PCP4: variants seen among roughly 807,000 people sequenced by gnomAD.
PCP4 encodes the protein calmodulin regulator protein PCP4.
Under a neutral mutation model 10.0 loss-of-function variants are expected in PCP4, and 8 were observed. The observed-to-expected ratio is 0.80, with a 90% CI of 0.47 to 1.45. The LOEUF (loss-of-function observed/expected upper bound fraction) is 1.45, where lower values mean the gene tolerates loss of function less well. Ranked by LOEUF, PCP4 falls within the 40% of genes most tolerant of loss-of-function variation. PCP4 has a pLI of 0.00. For missense variants in PCP4, 54 were observed against 74.4 expected (o/e 0.73, Z 1.01); for synonymous variants, 21 against 23.0 (o/e 0.91, Z 0.24).
chr21:39,898,599 A>T (rs933669957), intron 2 of PCP4, 72 bp downstream of exon 2: 15 of 1,151,992 alleles, frequency 1.3e-5, no homozygotes, highest in Non-Finnish European at 1.8e-5. Flanking sequence ...GCAGGTGCGG[A>T]TCATACATCC....
intron 2 of PCP4, chr21:39,926,303 C>G (rs1046016295): frequency 5.2e-6 from 1 of 192,886 alleles, no homozygotes; most frequent in Non-Finnish European, 1.1e-5. Flanking sequence ...TTTCTGTGAA[C>G]TGTCCTCACT....
chr21:39,868,227 C>T (rs754057990), intron 1 of PCP4, among the ~76,000 whole-genome samples: 9 of 152,182 alleles, frequency 5.9e-5, no homozygotes, highest in Middle Eastern at 3.2e-3. Flanking sequence ...AGCAGATTAG[C>T]GGTGGTACAA....
rs529830690 is a variant in PCP4 at position 39,889,875 on chromosome 21, G to A, written c.10-8601G>A. ...CTTCAATCTCTGGAATGAAAAATAC[G>A]TGTCTTTTAATGGGAACTTGTATTT... On this transcript the variant is annotated intron_variant, in intron 1 of 2. Transcript: ENST00000328619. Among the ~76,000 whole-genome samples, 5 of 152,258 alleles carry A rather than the reference G, an allele frequency of 3.3e-5. No homozygotes were observed. In the South Asian group the frequency reaches 1.0e-3, roughly 32 times the overall value.
chr21:39,914,200 G>A (rs1327051233), intron 2 of PCP4, among the ~76,000 whole-genome samples: 1 of 152,102 alleles, frequency 6.6e-6, no homozygotes, highest in Non-Finnish European at 1.5e-5. Flanking sequence ...TGAAGCTCTT[G>A]GGGGCTCTTA....
intron 1 of PCP4, among the ~76,000 whole-genome samples, chr21:39,880,122 C>CTG (rs2087366089): frequency 6.7e-6 from 1 of 149,128 alleles, no homozygotes; most frequent in African/African-American, 2.5e-5. Context: ...ATATCTATAT[C>CTG]TATATCTGTA....
chr21:39,882,320 C>T (rs949845242), intron 1 of PCP4, among the ~76,000 whole-genome samples: 4 of 152,294 alleles, frequency 2.6e-5, no homozygotes, highest in East Asian at 1.9e-4. Flanking sequence ...AGAGATCATT[C>T]AGGATGGATG....
At chr21:39,875,123 T>C (rs925446433) in intron 1 of PCP4, among the ~76,000 whole-genome samples, 4 of 152,242 alleles carry the variant, frequency 2.6e-5, no homozygotes, top group South Asian at 2.1e-4. Flanking sequence ...GGAACTACTG[T>C]GTGCAATTTC....
chr21:39,915,167 A>C (rs991685205), intron 2 of PCP4, among the ~76,000 whole-genome samples: 4 of 152,120 alleles, frequency 2.6e-5, no homozygotes, highest in Non-Finnish European at 5.9e-5. Context: ...AAATAACATG[A>C]AGCAGGGAAG....
chr21:39,870,746 G>A (rs903867892), intron 1 of PCP4, among the ~76,000 whole-genome samples: 18 of 152,204 alleles, frequency 1.2e-4, no homozygotes, highest in African/African-American at 4.1e-4. Context: ...GGTTGGAGAC[G>A]TTCCAGGTCA....
intron 1 of PCP4, among the ~76,000 whole-genome samples, chr21:39,884,015 C>T (rs1451335405): frequency 6.6e-6 from 1 of 152,110 alleles, no homozygotes; most frequent in African/African-American, 2.4e-5. Flanking sequence ...GTTAAGTGAC[C>T]TGAACTGGGC....
At chr21:39,879,613 T>C (rs2087362619) in intron 1 of PCP4, among the ~76,000 whole-genome samples, 1 of 152,204 alleles carries the variant, frequency 6.6e-6, no homozygotes, top group Admixed American at 6.5e-5. Flanking sequence ...AGGCCCCTTC[T>C]CTGGCTCCTT....
chr21:39,924,867 G>A (rs1301465882), intron 2 of PCP4, among the ~76,000 whole-genome samples: 1 of 152,186 alleles, frequency 6.6e-6, no homozygotes, highest in Non-Finnish European at 1.5e-5. Context: ...CCAGCTATTG[G>A]TGGCAGGCTC....
intron 2 of PCP4, among the ~76,000 whole-genome samples, chr21:39,925,748 C>T (rs533140227): frequency 1.4e-3 from 211 of 152,224 alleles, no homozygotes; most frequent in Middle Eastern, 3.4e-3. Flanking sequence ...CGTGGGTCCC[C>T]GCCTCTGCCC....
At chr21:39,881,885 A>G (rs1173141440) in intron 1 of PCP4, among the ~76,000 whole-genome samples, 1 of 152,166 alleles carries the variant, frequency 6.6e-6, no homozygotes, top group African/African-American at 2.4e-5. Context: ...CACCAAGTCA[A>G]TCTGCCCAGA....
At chr21:39,899,849 T>G in intron 2 of PCP4, among the ~76,000 whole-genome samples, 1 of 152,020 alleles carries the variant, frequency 6.6e-6, no homozygotes, top group African/African-American at 2.4e-5. Flanking sequence ...ATATTGTAGT[T>G]GCCTATATGA....
rs1181752318 is a variant in PCP4 at position 39,927,887 on chromosome 21, G to A, written c.62-1097G>A. On this transcript the variant is annotated intron_variant, in intron 2 of 2. Coordinates refer to ENST00000328619, the MANE Select transcript of PCP4 (RefSeq NM_006198.3). Reference sequence around the variant, plus strand: ...CTCAACATCCATCTTGCTCTTAGGAGCACCCTTCCCACTGCGGCTGTGCAA... The same window carrying A: ...CTCAACATCCATCTTGCTCTTAGGAACACCCTTCCCACTGCGGCTGTGCAA... Among the ~76,000 whole-genome samples, 3 of 152,118 alleles carry A rather than the reference G, an allele frequency of 2.0e-5. No individual in the cohort carries two copies. In the East Asian group the frequency reaches 5.8e-4, roughly 29 times the overall value.
Position 39,929,345 on chromosome 21 carries a change from C to T in PCP4, c.*234C>T, listed in dbSNP as rs1473032672. 1 of 349,726 alleles carries T rather than the reference C, an allele frequency of 2.9e-6. No individual in the cohort carries two copies. Among genetic ancestry groups the T allele is most frequent in the Non-Finnish European group, 5.1e-6 (1 of 195,486 alleles). The allele number at this position is 349,726 out of a possible 1,614,324, so 21.7% of individuals were successfully genotyped here. A position where few individuals can be genotyped will look rare whatever the true frequency, so the allele number is the denominator to read the frequency against. ...TTTCTCTCCATTTTCATTCCTCCTGCAACTATTTTCCTTGATGTTGTAATA... is the reference window on the plus strand; with the variant it reads ...TTTCTCTCCATTTTCATTCCTCCTGTAACTATTTTCCTTGATGTTGTAATA... On this transcript the variant is annotated 3_prime_UTR_variant, in exon 3 of 3. Transcript: ENST00000328619.
intron 2 of PCP4, among the ~76,000 whole-genome samples, chr21:39,914,215 C>A (rs1432980135): frequency 6.6e-6 from 1 of 152,146 alleles, no homozygotes; most frequent in East Asian, 1.9e-4. Flanking sequence ...CTCTTACCAG[C>A]CTTTGTCTTC....
At chr21:39,923,082 G>A (rs2087604328) in intron 2 of PCP4, among the ~76,000 whole-genome samples, 1 of 152,236 alleles carries the variant, frequency 6.6e-6, no homozygotes, top group South Asian at 2.1e-4. Context: ...TGCAGAGTGG[G>A]AAAAGGTAGA....
Sources: gnomAD v4.1 joint callset for allele counts (sites outside exome capture counted in the v4.1 genomes callset) on GRCh38, gnomAD v4.1.1 for gene constraint, MANE v1.5 for transcripts, NCBI Gene and HGNC (gene_info 2026-07-23, HGNC 2026-07-21) for gene names.